The following DNAJC10 variants were observed in gnomAD, a reference collection of about 807,000 sequenced individuals.
The protein encoded by DNAJC10 is endoplasmic reticulum disulfide reductase DNAJC10.
In DNAJC10, 101 loss-of-function variants were observed where a neutral mutation model predicts 115.0. That is an observed-to-expected ratio of 0.88 (90% CI 0.75 to 1.04). The LOEUF is 1.04. DNAJC10 is among the 50% of genes least tolerant of loss of function. The pLI is 0.00. For missense variants in DNAJC10, 981 were observed against 928.8 expected (o/e 1.06, Z -0.73); for synonymous variants, 307 against 301.5 (o/e 1.02, Z -0.19).
In DNAJC10 at chr2:182,732,530, T is replaced by C. The variant is rs1255704000; in HGVS notation, c.837T>C (p.Leu279=). ...DCLTSQTRLR[L]SGMLDGLVNV... ...TGACTTCACAGACACGACTCAGGCT[T>C]AGTGGCATGTTGGTAAGCATCAATC... The change falls in exon 10 of 24, where the codon CTT becomes CTC. Residue 279 remains leucine, a synonymous_variant. Transcript: ENST00000264065. 1.9e-6 allele frequency: 3 copies of C among 1,613,316 alleles called. No individual in the cohort carries two copies. The highest frequency in any genetic ancestry group is 3.3e-5 in the Admixed American group (2 of 59,952).
intron 2 of DNAJC10, among the ~76,000 whole-genome samples, chr2:182,717,413 C>T (rs1693023114): frequency 6.6e-6 from 1 of 152,096 alleles, no homozygotes; most frequent in South Asian, 2.1e-4. Flanking sequence ...GGAAGAAGAT[C>T]GACTGCTGTG....
chr2:182,719,884 C>T (rs148224670), intron 3 of DNAJC10, 123 bp from the exon 4 acceptor site: 36 of 471,750 alleles, frequency 7.6e-5, no homozygotes, highest in African/African-American at 6.3e-4. Flanking sequence ...TTGTATTACC[C>T]CTCCTTATGT....
intron 16 of DNAJC10, among the ~76,000 whole-genome samples, chr2:182,754,013 C>T (rs1694094643): frequency 6.6e-6 from 1 of 152,182 alleles, no homozygotes; most frequent in Non-Finnish European, 1.5e-5. Flanking sequence ...TTAGTTGCCA[C>T]TCACCAATTG....
chr2:182,755,638 CTG>C (rs1694139209), intron 17 of DNAJC10, among the ~76,000 whole-genome samples: 1 of 152,144 alleles, frequency 6.6e-6, no homozygotes, highest in East Asian at 1.9e-4. Flanking sequence ...TATTACCTGA[CTG>C]TTGTAGGCTG....
chr2:182,745,738 T>A (rs983914387), intron 14 of DNAJC10, among the ~76,000 whole-genome samples: 5 of 152,052 alleles, frequency 3.3e-5, no homozygotes, highest in Admixed American at 6.5e-5. Context: ...GAATTTTTTT[T>A]TAATTTATTA....
At chr2:182,751,380 C>G (rs569026731) in intron 14 of DNAJC10, among the ~76,000 whole-genome samples, 11 of 152,020 alleles carry the variant, frequency 7.2e-5, no homozygotes, top group African/African-American at 2.7e-4. Context: ...GTGATCTGCC[C>G]ACCTCGGCCT....
At chr2:182,726,922 G>C (rs547414076) in intron 5 of DNAJC10, among the ~76,000 whole-genome samples, 8 of 152,034 alleles carry the variant, frequency 5.3e-5, no homozygotes, top group African/African-American at 1.9e-4. Flanking sequence ...GGGTCTTGCT[G>C]TGTTTCCCAG....
chr2:182,765,711 T>C (rs575920498), intron 22 of DNAJC10, among the ~76,000 whole-genome samples: 6 of 152,162 alleles, frequency 3.9e-5, no homozygotes, highest in Admixed American at 2.6e-4. Context: ...GAGAGCCCCA[T>C]ATTCCCCGTT....
At chr2:182,762,355 C>G (rs973695870) in intron 21 of DNAJC10, among the ~76,000 whole-genome samples, 1 of 152,000 alleles carries the variant, frequency 6.6e-6, no homozygotes, top group Non-Finnish European at 1.5e-5. Flanking sequence ...AGCACACCCC[C>G]AGTGAAAGGA....
At position 182,784,537 on chromosome 2, in the gene DNAJC10, T is replaced by C. The variant is rs1316092853; in HGVS notation, c.*7405T>C. On this transcript the variant is annotated 3_prime_UTR_variant, in exon 24 of 24. Coordinates refer to ENST00000264065, the MANE Select transcript of DNAJC10 (RefSeq NM_018981.4). ...TGACAAACAGCCAGAAGTATTATAC[T>C]GTTGACTGTGTTTAAAACTAATTTG... 6.6e-6 allele frequency: 1 copy of C among 152,150 alleles called. No homozygotes were observed. Among genetic ancestry groups the C allele is most frequent in the East Asian group, 1.9e-4 (1 of 5,192 alleles). The allele number at this position is 152,150 out of a possible 1,614,324, so 9.4% of individuals were successfully genotyped here.
At chr2:182,772,968 T>C (rs1694606881) in intron 22 of DNAJC10, among the ~76,000 whole-genome samples, 1 of 152,266 alleles carries the variant, frequency 6.6e-6, no homozygotes, top group African/African-American at 2.4e-5. Flanking sequence ...GTTTTTGCAA[T>C]GGCTGGTTCC....
chr2:182,771,921 A>G (rs1694574475), intron 22 of DNAJC10, among the ~76,000 whole-genome samples: 3 of 152,094 alleles, frequency 2.0e-5, no homozygotes, highest in South Asian at 4.1e-4. Context: ...TAGGGTGTCA[A>G]TTTTAGATCT....
chr2:182,770,229 A>G (rs1410524483), intron 22 of DNAJC10, among the ~76,000 whole-genome samples: 2 of 152,176 alleles, frequency 1.3e-5, no homozygotes, highest in Non-Finnish European at 2.9e-5. Context: ...CTTGTAGTAT[A>G]GTTTGAAGAA....
intron 16 of DNAJC10, 120 bp downstream of exon 16, chr2:182,752,308 C>T (rs1250584389): frequency 2.1e-6 from 1 of 485,038 alleles, no homozygotes; most frequent in Non-Finnish European, 3.4e-6. Flanking sequence ...AGAGTAGTAA[C>T]AAATTATTTA....
At chr2:182,717,140 G>A (rs1409070168) in intron 2 of DNAJC10, 68 bp downstream of exon 2, 1 of 152,208 alleles carries the variant, frequency 6.6e-6, no homozygotes, top group Non-Finnish European at 1.5e-5. Flanking sequence ...TGCGAGGAGC[G>A]TTAGATTTTT....
At position 182,717,600 on chromosome 2, in the gene DNAJC10, A is replaced by G. The variant is rs370720727; in HGVS notation, c.-146-341A>G. 9.2e-5 allele frequency among the ~76,000 whole-genome samples: 14 copies of G among 152,352 alleles called. No homozygotes were observed. The South Asian group carries it at 2.1e-3, about 23-fold the overall frequency. ...AAAGAAGTAGCTAAAAGGAAGAGGT[A>G]TTACAGGCAACGCTATAACTGGGTA... On this transcript the variant is annotated intron_variant, in intron 2 of 23. Transcript: ENST00000264065.
chr2:182,759,874 T>G lies in DNAJC10; in HGVS notation c.2145+567T>G, dbSNP rs184092382. ...AGGGTTTCACATCCTATGACTATTCTGTTTTCCATCTGCAATTGCTTAAAA... is the reference window on the plus strand; with the variant it reads ...AGGGTTTCACATCCTATGACTATTCGGTTTTCCATCTGCAATTGCTTAAAA... On this transcript the variant is annotated intron_variant, in intron 21 of 23. Transcript: ENST00000264065. Among the ~76,000 whole-genome samples the G allele has an allele frequency of 4.6e-5, 7 of 152,212 alleles. No individual in the cohort carries two copies. In the East Asian group the frequency reaches 1.4e-3, roughly 29 times the overall value.
At chr2:182,725,305 C>CT (rs1693255086) in intron 5 of DNAJC10, among the ~76,000 whole-genome samples, 2 of 152,116 alleles carry the variant, frequency 1.3e-5, no homozygotes, top group African/African-American at 4.8e-5. Flanking sequence ...ACAGTGACCT[C>CT]TTAAGTGTTG....
intron 7 of DNAJC10, 128 bp downstream of exon 7, chr2:182,729,122 G>A (rs1693370768): frequency 1.1e-6 from 1 of 920,162 alleles, no homozygotes. Context: ...CATCTCACTA[G>A]TCTTCTGTAA....
Sources: allele counts gnomAD v4.1 joint callset (sites outside exome capture counted in the v4.1 genomes callset), GRCh38; gene constraint gnomAD v4.1.1; transcripts MANE v1.5; gene names NCBI Gene and HGNC (gene_info 2026-07-23, HGNC 2026-07-21).